EPHA6: variants seen among roughly 807,000 people sequenced by gnomAD.
EPHA6 encodes EPH receptor A6.
Under a neutral mutation model 112.0 loss-of-function variants are expected in EPHA6, and 50 were observed. The ratio of observed to expected loss-of-function variants is 0.45; its 90% confidence interval spans 0.36 to 0.56. EPHA6 has a LOEUF of 0.56. Ranked by LOEUF, EPHA6 falls within the 20% of genes least tolerant of loss-of-function variation. The pLI, the probability that EPHA6 is intolerant of heterozygous loss-of-function variation, is 0.00. For missense variants in EPHA6, 1,280 were observed against 1,417.4 expected, an observed-to-expected ratio of 0.90 and a Z score of 1.56; for synonymous variants, 529 against 490.7, an observed-to-expected ratio of 1.08 and a Z score of -1.03.
At chr3:97,161,722 T>C (rs963567919) in intron 3 of EPHA6, among the ~76,000 whole-genome samples, 2 of 152,152 alleles carry the variant, frequency 1.3e-5, no homozygotes, top group Non-Finnish European at 2.9e-5. Flanking sequence ...AAAAGGCCCC[T>C]GAATTTTTGT....
At chr3:96,909,226 T>C (rs910731897) in intron 2 of EPHA6, among the ~76,000 whole-genome samples, 3 of 151,936 alleles carry the variant, frequency 2.0e-5, no homozygotes, top group Admixed American at 1.3e-4. Context: ...ATATACTAAT[T>C]AGTGTAGATG....
intron 3 of EPHA6, among the ~76,000 whole-genome samples, chr3:97,067,039 T>C (rs2046200544): frequency 6.6e-6 from 1 of 152,108 alleles, no homozygotes; most frequent in Non-Finnish European, 1.5e-5. Flanking sequence ...TGTAATGTGG[T>C]TCACCAGATA....
chr3:97,279,625 G>A (rs1187984320), intron 5 of EPHA6, among the ~76,000 whole-genome samples: 2 of 152,068 alleles, frequency 1.3e-5, no homozygotes, highest in Non-Finnish European at 2.9e-5. Flanking sequence ...TAGGCACGAA[G>A]CCAAGCAGAG....
chr3:96,850,777 T>C (rs1013465032), intron 1 of EPHA6, among the ~76,000 whole-genome samples: 11 of 152,144 alleles, frequency 7.2e-5, no homozygotes, highest in African/African-American at 2.7e-4. Flanking sequence ...AAAGAGGACA[T>C]TTTATGACTA....
At chr3:97,684,413 G>A (rs1394041610) in intron 14 of EPHA6, among the ~76,000 whole-genome samples, 1 of 152,050 alleles carries the variant, frequency 6.6e-6, no homozygotes, top group Non-Finnish European at 1.5e-5. Flanking sequence ...AACTACAACT[G>A]GCTAAATTTG....
chr3:97,655,362 A>G (rs2094131763), intron 14 of EPHA6, among the ~76,000 whole-genome samples: 1 of 151,516 alleles, frequency 6.6e-6, no homozygotes, highest in Admixed American at 6.6e-5. Flanking sequence ...TCATATGCAA[A>G]CTCCCTTCAA....
chr3:97,336,558 T>G (rs548285913), intron 5 of EPHA6, among the ~76,000 whole-genome samples: 1 of 152,300 alleles, frequency 6.6e-6, no homozygotes, highest in Admixed American at 6.5e-5. Context: ...GGCATAGGAC[T>G]TATGTATGCC....
At position 96,994,709 on chromosome 3, in the gene EPHA6, G is replaced by GTATA. The variant is rs66581386; in HGVS notation, c.1114+6737_1114+6740dup. On this transcript the variant is annotated intron_variant, in intron 3 of 17. Transcript: ENST00000389672. ...TGTGTGTGTATGTGTGTGTGTGTGT[G>GTATA]TATATATATATATATATATATATAG... 9.1e-3 allele frequency among the ~76,000 whole-genome samples: 892 copies of GTATA among 98,306 alleles called. 24 individuals are homozygous for GTATA. The highest frequency in any genetic ancestry group is 0.037 in the African/African-American group (683 of 18,526). 64.5% of individuals were successfully genotyped at this position (98,306 alleles called of 152,430 possible). A position where few individuals can be genotyped will look rare whatever the true frequency, so the allele number is the denominator to read the frequency against.
chr3:97,663,070 A>G (rs1340360976), intron 14 of EPHA6, among the ~76,000 whole-genome samples: 1 of 152,176 alleles, frequency 6.6e-6, no homozygotes, highest in East Asian at 1.9e-4. Flanking sequence ...CCTCTGAACA[A>G]CTCTGAGGGG....
chr3:97,518,074 C>G (rs1459083118), intron 10 of EPHA6, among the ~76,000 whole-genome samples: 1 of 152,108 alleles, frequency 6.6e-6, no homozygotes, highest in African/African-American at 2.4e-5. Context: ...GATAGCTCAT[C>G]AGCATATTGA....
chr3:96,860,346 A>G (rs1313929166), intron 1 of EPHA6, among the ~76,000 whole-genome samples: 1 of 152,122 alleles, frequency 6.6e-6, no homozygotes, highest in Admixed American at 6.6e-5. Context: ...TTTCCAATAT[A>G]AAGCCACTGT....
At chr3:97,382,080 A>G (rs2085776176) in intron 5 of EPHA6, among the ~76,000 whole-genome samples, 1 of 152,124 alleles carries the variant, frequency 6.6e-6, no homozygotes, top group Non-Finnish European at 1.5e-5. Context: ...TTAACTATTT[A>G]GAAATGTATA....
intron 2 of EPHA6, among the ~76,000 whole-genome samples, chr3:96,935,069 C>T (rs1031112115): frequency 6.6e-6 from 1 of 151,742 alleles, no homozygotes; most frequent in South Asian, 2.1e-4. Context: ...GATCCAGTAA[C>T]ACTAAGAGCA....
At chr3:96,964,580 C>G (rs1343798986) in intron 2 of EPHA6, among the ~76,000 whole-genome samples, 1 of 151,970 alleles carries the variant, frequency 6.6e-6, no homozygotes, top group Non-Finnish European at 1.5e-5. Flanking sequence ...GTGTTTGTTG[C>G]TAGGAGTACA....
intron 3 of EPHA6, among the ~76,000 whole-genome samples, chr3:97,061,939 A>G (rs1026689188): frequency 5.3e-5 from 8 of 152,226 alleles, no homozygotes; most frequent in African/African-American, 1.9e-4. Flanking sequence ...AACAAAAATT[A>G]TATTACAGAA....
chr3:97,747,025 C>T (rs1263559118), intron 16 of EPHA6, among the ~76,000 whole-genome samples: 2 of 151,854 alleles, frequency 1.3e-5, no homozygotes, highest in African/African-American at 2.4e-5. Context: ...CATCCTGTGG[C>T]TACTCTCCTT....
chr3:97,168,643 A>C (rs1479519075), intron 3 of EPHA6, among the ~76,000 whole-genome samples: 1 of 147,760 alleles, frequency 6.8e-6, no homozygotes, highest in African/African-American at 2.5e-5. Context: ...CCTGCCGGCC[A>C]TGTGAAGATG....
rs548439267 is a variant in EPHA6, at chr3:97,123,246, T to A, written c.1115-103018T>A. Among the ~76,000 whole-genome samples, 8 of 152,216 alleles carry A rather than the reference T, an allele frequency of 5.3e-5. No individual in the cohort carries two copies. In the South Asian group the frequency reaches 1.7e-3, roughly 32 times the overall value. ...ACTGAAGCATTATTTTCTTTAAAAA[T>A]TCAGTAATGTATTTAAAAATATACA... On this transcript the variant is annotated intron_variant, in intron 3 of 17. Coordinates refer to ENST00000389672, the MANE Select transcript of EPHA6 (RefSeq NM_001080448.3).
chr3:97,173,304 A>G (rs1001104940), intron 3 of EPHA6, among the ~76,000 whole-genome samples: 3 of 152,094 alleles, frequency 2.0e-5, no homozygotes, highest in Admixed American at 1.3e-4. Flanking sequence ...ATTTAAACAA[A>G]TACGAGCTAA....
Sources: allele counts gnomAD v4.1 joint callset (sites outside exome capture counted in the v4.1 genomes callset), GRCh38; gene constraint gnomAD v4.1.1; transcripts MANE v1.5; gene names NCBI Gene and HGNC (gene_info 2026-07-23, HGNC 2026-07-21).